Variants in ZNF480 observed in about 807,000 individuals in gnomAD.
ZNF480 encodes the protein zinc finger protein 480.
ZNF480 carries 15 observed loss-of-function variants against 14.4 expected under a neutral mutation model. The observed-to-expected ratio is 1.04, with a 90% CI of 0.70 to 1.60. ZNF480 has a LOEUF of 1.60. Ranked by LOEUF, ZNF480 falls within the 40% of genes most tolerant of loss-of-function variation. The probability of loss-of-function intolerance (pLI) is 0.00; values close to 1 mark genes in which losing one functional copy is unlikely to be tolerated. For synonymous variants in ZNF480, 218 were observed against 215.5 expected, an observed-to-expected ratio of 1.01 and a Z score of -0.10; for missense variants, 593 against 629.7, an observed-to-expected ratio of 0.94 and a Z score of 0.62.
intron 2 of ZNF480, chr19:52,301,093 G>T (rs953240581): frequency 2.6e-5 from 4 of 152,610 alleles, no homozygotes; most frequent in African/African-American, 9.7e-5. Context: ...TTGCCAGCAT[G>T]TTCCCCTTTC....
At chr19:52,316,041 T>C in intron 4 of ZNF480, 79 bp downstream of exon 4, 1 of 1,404,632 alleles carries the variant, frequency 7.1e-7, no homozygotes, top group Non-Finnish European at 9.4e-7. Context: ...TAGTTTTGGT[T>C]TTTTATGTTT....
At chr19:52,310,613 T>A (rs1208941068) in intron 2 of ZNF480, among the ~76,000 whole-genome samples, 1 of 152,108 alleles carries the variant, frequency 6.6e-6, no homozygotes, top group Non-Finnish European at 1.5e-5. Flanking sequence ...CTGATTATCA[T>A]GTTTCATGAG....
intron 1 of ZNF480, among the ~76,000 whole-genome samples, chr19:52,299,780 A>G (rs754915755): frequency 3.3e-5 from 5 of 151,978 alleles, no homozygotes; most frequent in African/African-American, 4.8e-5. Flanking sequence ...TGCAACATCC[A>G]TCTCCCAGTT....
intron 2 of ZNF480, chr19:52,301,430 C>G (rs1266592137): frequency 6.6e-6 from 1 of 152,204 alleles, no homozygotes; most frequent in Non-Finnish European, 1.5e-5. Context: ...TGTCTCTTAA[C>G]TCTTTCCTAC....
At position 52,322,448 on chromosome 19, in the gene ZNF480, A is replaced by C. The variant is rs756632513; in HGVS notation, c.1198A>C (p.Lys400Gln). The C allele has an allele frequency of 6.2e-7, 1 of 1,614,072 alleles. No homozygotes were observed. Among genetic ancestry groups the C allele is most frequent in the South Asian group, 1.1e-5 (1 of 91,072 alleles). ...WRIHTGEKPY[K>Q]CNECGKVFNQ... ...AATTCATACAGGAGAGAAACCTTAC[A>C]AATGTAATGAATGTGGAAAAGTATT... Residue 400 changes from lysine to glutamine, a missense_variant, in exon 5 of 5, where the codon AAA becomes CAA. Physicochemically the swap from Lys to Gln is moderately conservative, Grantham distance 53. Transcript: ENST00000595962.
chr19:52,305,573 A>G (rs887153006), intron 2 of ZNF480, among the ~76,000 whole-genome samples: 31 of 152,216 alleles, frequency 2.0e-4, no homozygotes, highest in African/African-American at 7.2e-4. Flanking sequence ...TGACTCCTGC[A>G]TGTACTTGCA....
chr19:52,316,482 T>G (rs321905), intron 4 of ZNF480, among the ~76,000 whole-genome samples: 152,115 of 152,120 alleles, frequency 1, 76,055 homozygotes, highest in Middle Eastern at 1. Context: ...TATCTGCCTC[T>G]GCCTCCCAAA....
At position 52,325,550 on chromosome 19, in the gene ZNF480, A is replaced by G. The variant is rs1984059366; in HGVS notation, c.*2692A>G. On this transcript the variant is annotated 3_prime_UTR_variant, in exon 5 of 5. Transcript: ENST00000595962. Reference sequence around the variant, plus strand: ...CATCAGCAGTAGACCAGATAAAGAAAATTTGGTACATATACACCATGGAAT... The same window carrying G: ...CATCAGCAGTAGACCAGATAAAGAAGATTTGGTACATATACACCATGGAAT... 6.6e-6 allele frequency: 1 copy of G among 152,218 alleles called. No individual in the cohort carries two copies. Among genetic ancestry groups the G allele is most frequent in the East Asian group, 1.9e-4 (1 of 5,200 alleles). The allele number at this position is 152,218 out of a possible 1,614,324, so 9.4% of individuals were successfully genotyped here.
intron 4 of ZNF480, among the ~76,000 whole-genome samples, chr19:52,317,785 A>G (rs8107450): frequency 0.012 from 1,770 of 152,242 alleles, 42 homozygotes; most frequent in African/African-American, 0.041. Flanking sequence ...CACCATTTCA[A>G]TTTTCCACCA....
intron 2 of ZNF480, among the ~76,000 whole-genome samples, chr19:52,309,242 G>T (rs955472430): frequency 6.6e-6 from 1 of 152,162 alleles, no homozygotes; most frequent in Admixed American, 6.5e-5. Flanking sequence ...GGGAAGATGC[G>T]CTCTGGTCAG....
intron 4 of ZNF480, among the ~76,000 whole-genome samples, chr19:52,319,910 C>T (rs1481456711): frequency 1.6e-4 from 24 of 151,098 alleles, no homozygotes; most frequent in Admixed American, 1.5e-3. Context: ...CTCTGCCTCC[C>T]AGGTTCAAGC....
chr19:52,298,956 T>C (rs1982552380), intron 1 of ZNF480, among the ~76,000 whole-genome samples: 1 of 152,222 alleles, frequency 6.6e-6, no homozygotes. Context: ...GATATTATGA[T>C]TAAGTTGTGA....
chr19:52,298,627 G>T (rs537900982), intron 1 of ZNF480, among the ~76,000 whole-genome samples: 2 of 149,604 alleles, frequency 1.3e-5, no homozygotes, highest in African/African-American at 4.9e-5. Flanking sequence ...GCAAAACTCC[G>T]TCTCAGGGAA....
At chr19:52,320,723 G>T (rs1306699623) in intron 4 of ZNF480, among the ~76,000 whole-genome samples, 1 of 152,146 alleles carries the variant, frequency 6.6e-6, no homozygotes, top group South Asian at 2.1e-4. Context: ...ACCTGGAGGT[G>T]GAGGTTGCAG....
Position 52,322,249 on chromosome 19 carries a change from T to C in ZNF480, c.999T>C (p.His333=), listed in dbSNP as rs1336271344. ...GFSHKSSLAN[H]WRIYTGEKPY... is the part of the protein sequence containing the mutation. ...GTCATAAGTCATCTCTAGCAAATCA[T>C]TGGAGAATTTATACTGGAGAGAAGC... Residue 333 remains histidine (H), a synonymous_variant, in exon 5 of 5, where the codon CAT becomes CAC. Transcript: ENST00000595962. The C allele has an allele frequency of 3.7e-6, 6 of 1,613,868 alleles. No individual in the cohort carries two copies. The highest frequency in any genetic ancestry group is 1.6e-4 in the Middle Eastern group (1 of 6,084).
intron 2 of ZNF480, among the ~76,000 whole-genome samples, chr19:52,303,671 T>C (rs774585576): frequency 5.3e-5 from 8 of 152,204 alleles, no homozygotes; most frequent in Admixed American, 5.2e-4. Flanking sequence ...ATGTACTTGT[T>C]TTTCAATGAG....
intron 2 of ZNF480, chr19:52,301,598 C>T (rs1413426123): frequency 1.3e-5 from 2 of 152,114 alleles, no homozygotes; most frequent in Non-Finnish European, 2.9e-5. Flanking sequence ...AGTTTTCAGT[C>T]TGTGTTAGTT....
At chr19:52,314,799 C>T (rs186890026) in intron 3 of ZNF480, among the ~76,000 whole-genome samples, 76 of 151,354 alleles carry the variant, frequency 5.0e-4, no homozygotes, top group Non-Finnish European at 9.2e-4. Context: ...AGTGAAACTC[C>T]GTCTCATTAA....
chr19:52,306,981 G>T (rs2122526477), intron 2 of ZNF480, among the ~76,000 whole-genome samples: 1 of 152,236 alleles, frequency 6.6e-6, no homozygotes, highest in African/African-American at 2.4e-5. Flanking sequence ...TCCCTCCTTT[G>T]CTGCTTTAGC....
Sources: gnomAD v4.1 joint callset for allele counts (sites outside exome capture counted in the v4.1 genomes callset) on GRCh38, gnomAD v4.1.1 for gene constraint, MANE v1.5 for transcripts, NCBI Gene and HGNC (gene_info 2026-07-23, HGNC 2026-07-21) for gene names.